Variants in PDE4D observed in about 807,000 individuals in gnomAD.
PDE4D encodes the protein 3',5'-cyclic-AMP phosphodiesterase 4D.
Under a neutral mutation model 87.4 loss-of-function variants are expected in PDE4D, and 24 were observed. That is an observed-to-expected ratio of 0.27 (90% CI 0.20 to 0.39). The LOEUF is 0.39. Ranked by LOEUF, PDE4D falls within the 10% of genes least tolerant of loss-of-function variation. The pLI is 1.00. For synonymous variants in PDE4D, 384 were observed against 383.2 expected (o/e 1.00, Z -0.02); for missense variants, 714 against 1,041.0 (o/e 0.69, Z 4.32).
intron 1 of PDE4D, among the ~76,000 whole-genome samples, chr5:60,232,461 G>A (rs1392045068): frequency 6.6e-6 from 1 of 151,886 alleles, no homozygotes; most frequent in African/African-American, 2.4e-5. Context: ...TGCAGCATCA[G>A]TCTCTCACAT....
intron 1 of PDE4D, among the ~76,000 whole-genome samples, chr5:60,455,257 T>C (rs926155883): frequency 1.3e-5 from 2 of 152,200 alleles, no homozygotes. Context: ...GGAACAAAGT[T>C]ATTTTCTATT....
chr5:59,033,400 C>T (rs146962922), intron 6 of PDE4D, among the ~76,000 whole-genome samples: 31 of 152,278 alleles, frequency 2.0e-4, no homozygotes, highest in African/African-American at 7.2e-4. Flanking sequence ...CAACAAATAG[C>T]CATGTAAAAA....
intron 1 of PDE4D, among the ~76,000 whole-genome samples, chr5:59,307,959 T>C (rs961459396): frequency 7.2e-5 from 11 of 151,964 alleles, no homozygotes; most frequent in East Asian, 1.9e-4. Context: ...TTGGAACCAA[T>C]CCAAATGTCC....
chr5:59,386,213 A>C (rs766333560), intron 1 of PDE4D, among the ~76,000 whole-genome samples: 1 of 152,190 alleles, frequency 6.6e-6, no homozygotes, highest in Non-Finnish European at 1.5e-5. Context: ...ATGAATTAAA[A>C]ACAATTTTAT....
chr5:59,875,232 C>T (rs1289256526), intron 1 of PDE4D, among the ~76,000 whole-genome samples: 7 of 151,770 alleles, frequency 4.6e-5, no homozygotes, highest in South Asian at 4.2e-4. Flanking sequence ...GAGGCCGAGG[C>T]GGGCGGATCA....
At chr5:59,310,273 C>A (rs1408040760) in intron 1 of PDE4D, among the ~76,000 whole-genome samples, 1 of 152,132 alleles carries the variant, frequency 6.6e-6, no homozygotes, top group Non-Finnish European at 1.5e-5. Flanking sequence ...TTGAGATGGC[C>A]TTATATGCTG....
intron 1 of PDE4D, among the ~76,000 whole-genome samples, chr5:60,424,296 A>C (rs994989782): frequency 1.3e-5 from 2 of 152,222 alleles, no homozygotes; most frequent in African/African-American, 4.8e-5. Context: ...AAATACTGGC[A>C]AACTGAAACC....
rs941684908 is a variant in PDE4D at position 60,336,950 on chromosome 5, C to A, written c.-90+150992G>T. Among the ~76,000 whole-genome samples, 3 of 152,136 alleles carry A rather than the reference C, an allele frequency of 2.0e-5. No homozygotes were observed. The South Asian group carries it at 6.2e-4, about 32-fold the overall frequency. Reference sequence around the variant, plus strand: ...AACTCTATTCCTAGACAAAAATCCACTATCCAATTATTTTATCTTCCTGGT... The same window carrying A: ...AACTCTATTCCTAGACAAAAATCCAATATCCAATTATTTTATCTTCCTGGT... On this transcript the variant is annotated intron_variant, in intron 1 of 16. Coordinates refer to the PDE4D transcript ENST00000502484.
At chr5:60,460,685 G>A (rs1257774088) in intron 1 of PDE4D, 2 of 995,114 alleles carry the variant, frequency 2.0e-6, no homozygotes, top group South Asian at 1.3e-5. Context: ...AGAGCAGGAG[G>A]CATTCTTGGT....
chr5:59,353,592 A>G (rs1780874366), intron 1 of PDE4D, among the ~76,000 whole-genome samples: 1 of 151,858 alleles, frequency 6.6e-6, no homozygotes, highest in South Asian at 2.1e-4. Context: ...GCTAACACTG[A>G]TCCCATTACT....
At chr5:60,445,087 T>C (rs1745539041) in intron 1 of PDE4D, among the ~76,000 whole-genome samples, 1 of 152,072 alleles carries the variant, frequency 6.6e-6, no homozygotes, top group South Asian at 2.1e-4. Flanking sequence ...ATTTGTGTTT[T>C]AGAACAACAA....
chr5:59,197,918 G>A (rs1386696587), intron 2 of PDE4D, among the ~76,000 whole-genome samples: 2 of 152,164 alleles, frequency 1.3e-5, no homozygotes, highest in East Asian at 3.9e-4. Flanking sequence ...GGGGCTGGGA[G>A]GGATTACAAT....
chr5:59,237,932 T>A (rs955574505), intron 1 of PDE4D, among the ~76,000 whole-genome samples: 11 of 152,138 alleles, frequency 7.2e-5, no homozygotes, highest in African/African-American at 2.7e-4. Flanking sequence ...TTGTTATTCA[T>A]TGCATCTGAA....
chr5:59,196,757 G>C (rs1338142965), intron 2 of PDE4D, among the ~76,000 whole-genome samples: 1 of 152,034 alleles, frequency 6.6e-6, no homozygotes, highest in Non-Finnish European at 1.5e-5. Context: ...ATTTTCAATA[G>C]GTGTATATAC....
chr5:59,636,903 T>C (rs1011161099), intron 1 of PDE4D, among the ~76,000 whole-genome samples: 1 of 152,076 alleles, frequency 6.6e-6, no homozygotes, highest in Non-Finnish European at 1.5e-5. Context: ...AATTGACAAA[T>C]GGGATCTAAC....
At chr5:60,171,438 T>C (rs1783420796) in intron 2 of PDE4D, among the ~76,000 whole-genome samples, 1 of 152,034 alleles carries the variant, frequency 6.6e-6, no homozygotes, top group African/African-American at 2.4e-5. Flanking sequence ...AAATTGGTCA[T>C]AGAAACAATG....
intron 1 of PDE4D, among the ~76,000 whole-genome samples, chr5:59,876,262 C>A (rs1283055617): frequency 6.6e-6 from 1 of 152,132 alleles, no homozygotes; most frequent in Non-Finnish European, 1.5e-5. Context: ...GAGTACCAAG[C>A]CTCACAAATT....
chr5:59,127,236 T>C (rs1011237968), intron 5 of PDE4D, among the ~76,000 whole-genome samples: 2 of 152,136 alleles, frequency 1.3e-5, no homozygotes, highest in Non-Finnish European at 2.9e-5. Flanking sequence ...AGTAGCTCCT[T>C]TGAAGTGTTT....
intron 3 of PDE4D, among the ~76,000 whole-genome samples, chr5:59,934,760 T>C (rs1329306763): frequency 6.6e-6 from 1 of 152,158 alleles, no homozygotes; most frequent in Non-Finnish European, 1.5e-5. Flanking sequence ...ATGCAACATT[T>C]GAATAAGCAA....
Sources: gnomAD v4.1 joint callset for allele counts (sites outside exome capture counted in the v4.1 genomes callset) on GRCh38, gnomAD v4.1.1 for gene constraint, MANE v1.5 for transcripts, NCBI Gene and HGNC (gene_info 2026-07-23, HGNC 2026-07-21) for gene names.